Variants in JMJD1C observed in about 807,000 individuals in gnomAD.
JMJD1C encodes jumonji domain-containing protein 1C.
In JMJD1C, 31 loss-of-function variants were observed where a neutral mutation model predicts 245.3. The observed-to-expected ratio is 0.13, with a 90% CI of 0.09 to 0.17. The LOEUF is 0.17. Among genes scored for constraint, JMJD1C ranks in the 10% least tolerant of loss-of-function variants. The pLI, the probability that JMJD1C is intolerant of heterozygous loss-of-function variation, is 1.00. For synonymous variants in JMJD1C, 1,057 were observed against 1,017.4 expected (o/e 1.04, Z -0.74); for missense variants, 2,691 against 3,000.2 (o/e 0.90, Z 2.41).
chr10:63,222,954 T>C (rs898463750), intron 3 of JMJD1C: 2 of 1,480,268 alleles, frequency 1.4e-6, no homozygotes, highest in Non-Finnish European at 9.4e-7. Context: ...ATTCAAATAT[T>C]GGAGATAATG....
At chr10:63,323,607 T>C (rs1373082512) in intron 2 of JMJD1C, among the ~76,000 whole-genome samples, 1 of 152,148 alleles carries the variant, frequency 6.6e-6, no homozygotes, top group Non-Finnish European at 1.5e-5. Flanking sequence ...CCAGAAGTCA[T>C]ACTGATAAGA....
intron 3 of JMJD1C, among the ~76,000 whole-genome samples, chr10:63,241,874 C>T (rs1229771062): frequency 6.6e-6 from 1 of 152,096 alleles, no homozygotes; most frequent in East Asian, 1.9e-4. Flanking sequence ...TAGCAGGTAT[C>T]TAATACATAT....
chr10:63,203,187 C>T (rs1846218334), intron 10 of JMJD1C: 2 of 984,614 alleles, frequency 2.0e-6, no homozygotes, highest in African/African-American at 1.7e-5. Flanking sequence ...CACATGACTG[C>T]AACTAACTCC....
chr10:63,350,157 TTAC>T (rs1377932573), intron 2 of JMJD1C, among the ~76,000 whole-genome samples: 1 of 152,196 alleles, frequency 6.6e-6, no homozygotes, highest in Non-Finnish European at 1.5e-5. Flanking sequence ...AACATCCTTA[TTAC>T]CTCCATTTTG....
chr10:63,458,864 C>T (rs577129498), intron 1 of JMJD1C, among the ~76,000 whole-genome samples: 49 of 152,216 alleles, frequency 3.2e-4, no homozygotes, highest in African/African-American at 1.2e-3. Flanking sequence ...GCTGGGACCA[C>T]AGGCACACAC....
At chr10:63,292,905 G>A (rs1312044303) in intron 2 of JMJD1C, among the ~76,000 whole-genome samples, 1 of 152,020 alleles carries the variant, frequency 6.6e-6, no homozygotes. Context: ...TTAGCTGGGC[G>A]TGGTGGTGCT....
At chr10:63,369,961 A>C (rs1946164664) in intron 2 of JMJD1C, among the ~76,000 whole-genome samples, 1 of 152,230 alleles carries the variant, frequency 6.6e-6, no homozygotes, top group Non-Finnish European at 1.5e-5. Context: ...TGAGAACTAA[A>C]GTTATTAGTC....
chr10:63,455,544 T>TA (rs1952356490), intron 1 of JMJD1C, among the ~76,000 whole-genome samples: 1 of 152,198 alleles, frequency 6.6e-6, no homozygotes, highest in South Asian at 2.1e-4. Context: ...ACTGGATTCT[T>TA]ATTTACCAAG....
chr10:63,196,287 AAATC>A (rs1341408036), intron 13 of JMJD1C, among the ~76,000 whole-genome samples: 1 of 152,152 alleles, frequency 6.6e-6, no homozygotes, highest in African/African-American at 2.4e-5. Flanking sequence ...AAGAGAAAGA[AAATC>A]ATCAACAATA....
chr10:63,502,636 C>CAA (rs67729776), intron 1 of JMJD1C, among the ~76,000 whole-genome samples: 17 of 66,146 alleles, frequency 2.6e-4, no homozygotes, highest in South Asian at 1.0e-3. Context: ...GACTTTGTCT[C>CAA]AAAAAAAAAA....
chr10:63,194,751 C>A, intron 13 of JMJD1C: 1 of 177,550 alleles, frequency 5.6e-6, no homozygotes, highest in Non-Finnish European at 1.2e-5. Flanking sequence ...GTACATCAGA[C>A]TGACACAGTT....
intron 1 of JMJD1C, among the ~76,000 whole-genome samples, chr10:63,471,181 C>T (rs1173981761): frequency 1.3e-5 from 2 of 152,190 alleles, no homozygotes; most frequent in Non-Finnish European, 2.9e-5. Flanking sequence ...ATCTTACAAG[C>T]TTTCACTATT....
At chr10:63,168,234 G>A in intron 25 of JMJD1C, 100 bp from the exon 26 acceptor site, 1 of 1,055,958 alleles carries the variant, frequency 9.5e-7, no homozygotes, top group Non-Finnish European at 1.4e-6. Flanking sequence ...AACTAGGAAA[G>A]CCAAATATAA....
intron 1 of JMJD1C, among the ~76,000 whole-genome samples, chr10:63,476,645 C>T (rs1438790785): frequency 6.6e-6 from 1 of 152,150 alleles, no homozygotes; most frequent in Non-Finnish European, 1.5e-5. Flanking sequence ...AAGAGGATTG[C>T]TTATGTCCAG....
upstream of JMJD1C, chr10:63,465,996 G>C (rs753661505): frequency 4.3e-4 from 125 of 288,222 alleles, no homozygotes; most frequent in Non-Finnish European, 1.3e-4. Flanking sequence ...TCCCTCCCCG[G>C]GCAGCGGCGG....
intron 3 of JMJD1C, among the ~76,000 whole-genome samples, chr10:63,234,493 TAAAAA>T (rs71025129): frequency 0.04 from 1,467 of 36,992 alleles, 47 homozygotes; most frequent in African/African-American, 0.16. Context: ...AACCTCCTCT[TAAAAA>T]AAAAAAAAAA....
At chr10:63,337,966 G>C (rs1404243119) in intron 2 of JMJD1C, among the ~76,000 whole-genome samples, 2 of 152,286 alleles carry the variant, frequency 1.3e-5, no homozygotes, top group East Asian at 3.9e-4. Flanking sequence ...AAAACTATAA[G>C]AGGTTAAATA....
intron 1 of JMJD1C, among the ~76,000 whole-genome samples, chr10:63,484,240 A>G (rs10822174): frequency 6.8e-3 from 82 of 12,030 alleles, no homozygotes; most frequent in African/African-American, 0.011. Flanking sequence ...ATGGATGGAT[A>G]GATAGATAGA....
In JMJD1C at chr10:63,200,574, A is replaced by G; in HGVS notation, c.5178T>C (p.Pro1726=). The change falls in exon 11 of 26, where the codon CCT becomes CCC. Residue 1726 remains proline (P), a synonymous_variant. Coordinates refer to ENST00000399262, the MANE Select transcript of JMJD1C (RefSeq NM_032776.3). ...LQDDSCCEIG[P]NLQKCRECRL... ...TACATTCTCGACACTTTTGTAAATTAGGCCCTATCTCACAGCAGGAGTCAT... is the reference window on the plus strand; with the variant it reads ...TACATTCTCGACACTTTTGTAAATTGGGCCCTATCTCACAGCAGGAGTCAT... 1 of 1,613,892 alleles carries G rather than the reference A, an allele frequency of 6.2e-7. No individual in the cohort carries two copies. The highest frequency in any genetic ancestry group is 1.1e-5 in the South Asian group (1 of 91,074).
Sources: allele counts gnomAD v4.1 joint callset (sites outside exome capture counted in the v4.1 genomes callset), GRCh38; gene constraint gnomAD v4.1.1; transcripts MANE v1.5; gene names NCBI Gene and HGNC (gene_info 2026-07-23, HGNC 2026-07-21).